PLTP: variants seen among roughly 807,000 people sequenced by gnomAD.
The protein encoded by PLTP is BPI fold containing family E.
A neutral mutation model predicts 54.1 loss-of-function variants in PLTP; 43 were observed. The observed-to-expected ratio is 0.79, with a 90% CI of 0.62 to 1.02. PLTP has a LOEUF of 1.02. Ranked by LOEUF, PLTP falls within the 50% of genes least tolerant of loss-of-function variation. The pLI, the probability that PLTP is intolerant of heterozygous loss-of-function variation, is 0.00. For missense variants in PLTP, 604 were observed against 645.9 expected (o/e 0.94, Z 0.70); for synonymous variants, 263 against 264.6 (o/e 0.99, Z 0.06).
At chr20:45,910,848 A>C in intron 3 of PLTP, 1 of 1,286,974 alleles carries the variant, frequency 7.8e-7, no homozygotes, top group Non-Finnish European at 9.9e-7. Context: ...ACTCTCATCT[A>C]TTGGGAAGTT....
In PLTP at chr20:45,898,952, C is replaced by G; in HGVS notation, c.1471G>C (p.Ala491Pro). Residue 491 changes from alanine (A) to proline (P), a missense_variant, in exon 16 of 16, where the codon GCA becomes CCA. Coordinates refer to ENST00000372431, the MANE Select transcript of PLTP (RefSeq NM_006227.4). This position sits in a 1 kb window ranked among gnomAD's most constrained non-coding sequence, Gnocchi z 4.6. ...TGGGGATTGAGGGCTCAGACAGCTG[C>G]TGTGGACGGTGTGGGGGCAGTGGAC... ...RASTAPTPST[A>P]AV 6.2e-7 allele frequency: 1 copy of G among 1,614,080 alleles called. No individual in the cohort carries two copies. Among genetic ancestry groups the G allele is most frequent in the Non-Finnish European group, 8.5e-7 (1 of 1,180,000 alleles).
In PLTP at chr20:45,911,345, C is replaced by T. The variant is rs1379350033; in HGVS notation, c.100+8G>A. ...TCCCGTCCGTCCCTGTCTGCCCCTGCGCCTTACCCAGCTCCAGCGCCTTGG... is the reference window on the plus strand; with the variant it reads ...TCCCGTCCGTCCCTGTCTGCCCCTGTGCCTTACCCAGCTCCAGCGCCTTGG... On this transcript the variant is annotated splice_region_variant and intron_variant, in intron 2 of 15. Coordinates refer to ENST00000372431, the MANE Select transcript of PLTP (RefSeq NM_006227.4). The T allele has an allele frequency of 6.2e-7, 1 of 1,613,470 alleles. No homozygotes were observed.
intron 12 of PLTP, among the ~76,000 whole-genome samples, chr20:45,901,239 G>T (rs1197368025): frequency 6.6e-6 from 1 of 152,150 alleles, no homozygotes; most frequent in East Asian, 1.9e-4. Context: ...ATATTGGATA[G>T]CACAGCCCTA....
chr20:45,898,990 GCAGGCCGGTTCTTCT>G lies in PLTP; in HGVS notation c.1418_1432del (p.Glu473_Pro477del). Reference sequence around the variant, plus strand: ...GGGGGCAGTGGACGCCCTGACATCAGCAGGCCGGTTCTTCTCAATCACCTCTCGCAGCCCTTTGGC... The same window carrying G: ...GGGGGCAGTGGACGCCCTGACATCAGCAATCACCTCTCGCAGCCCTTTGGC... On this transcript the variant is annotated inframe_deletion, in exon 16 of 16. Coordinates refer to ENST00000372431, the MANE Select transcript of PLTP (RefSeq NM_006227.4). This position sits in a 1 kb window ranked among gnomAD's most constrained non-coding sequence, Gnocchi z 4.6. The G allele has an allele frequency of 6.2e-7, 1 of 1,614,178 alleles. No homozygotes were observed. The highest frequency in any genetic ancestry group is 8.5e-7 in the Non-Finnish European group (1 of 1,180,026).
intron 5 of PLTP, 71 bp downstream of exon 5, chr20:45,909,445 C>G (rs991890764): frequency 6.5e-7 from 1 of 1,547,816 alleles, no homozygotes; most frequent in African/African-American, 1.4e-5. Flanking sequence ...GGCCTATGCA[C>G]TTTGCATTGC....
In PLTP at chr20:45,907,712, G is replaced by A. The variant is rs1157663746; in HGVS notation, c.593C>T (p.Ser198Phe). ...CTCACCAGGCACGGTGTCCAGGAGG[G>A]AGTTGAGCAGGACCGTCCCTGCGTG... is the stretch of plus-strand genomic sequence containing the variant. ...LYHAGTVLLN[S>F]LLDTVPVRSS... Residue 198 changes from serine (S) to phenylalanine (F), a missense_variant, in exon 7 of 16, where the codon TCC becomes TTC. Coordinates refer to ENST00000372431, the MANE Select transcript of PLTP (RefSeq NM_006227.4). The A allele has an allele frequency of 6.2e-7, 1 of 1,613,954 alleles. No homozygotes were observed. The highest frequency in any genetic ancestry group is 1.7e-5 in the Admixed American group (1 of 59,988).
chr20:45,911,086 T>G lies in PLTP; in HGVS notation c.200+66A>C, dbSNP rs532513877. 3.1e-5 allele frequency: 50 copies of G among 1,610,676 alleles called. No homozygotes were observed. In the East Asian group the frequency reaches 1.1e-3, roughly 34 times the overall value. ...CCTCCAGTCTCCCGAGACCCTGAGA[T>G]TTCTCGGGCCCCGCCTCCACCGCCG... On this transcript the variant is annotated intron_variant, in intron 3 of 15. Transcript: ENST00000372431.
chr20:45,902,305 G>A lies in PLTP; in HGVS notation c.1137C>T (p.Leu379=), dbSNP rs753786509. ...MDARLSAKMA[L]RGKALRTQLD... is the part of the protein sequence containing the mutation. ...GCTGCGTGCGCAGGGCCTTCCCCCG[G>A]AGAGCCATCTTGGCGCTGAGACGGG... The change falls in exon 12 of 16, where the codon CTC becomes CTT. Residue 379 remains leucine (L), a synonymous_variant. Coordinates refer to ENST00000372431, the MANE Select transcript of PLTP (RefSeq NM_006227.4). 3.7e-6 allele frequency: 6 copies of A among 1,614,018 alleles called. No homozygotes were observed. The highest frequency in any genetic ancestry group is 5.1e-6 in the Non-Finnish European group (6 of 1,180,058).
In PLTP at chr20:45,909,752, T is replaced by C. The variant is rs1158113408; in HGVS notation, c.330-81A>G. ...CCCCATGCATCACCATACCTCTTAATAAGGTTTCACCTCTTTCCACACATC... is the reference window on the plus strand; with the variant it reads ...CCCCATGCATCACCATACCTCTTAACAAGGTTTCACCTCTTTCCACACATC... On this transcript the variant is annotated intron_variant, in intron 4 of 15. Transcript: ENST00000372431. 10 of 1,533,556 alleles carry C rather than the reference T, an allele frequency of 6.5e-6. No individual in the cohort carries two copies. The African/African-American group carries it at 1.4e-4, about 21-fold the overall frequency. The allele number at this position is 1,533,556 out of a possible 1,614,324, so 95.0% of individuals were successfully genotyped here.
At chr20:45,907,954 G>C in intron 5 of PLTP, 50 bp from the exon 6 acceptor site, 1 of 1,473,008 alleles carries the variant, frequency 6.8e-7, no homozygotes, top group Non-Finnish European at 9.3e-7. Context: ...CTCCACCCCA[G>C]TCCAGGTCCA....
chr20:45,905,124 G>T lies in PLTP; in HGVS notation c.706-6C>A. On this transcript the variant is annotated splice_polypyrimidine_tract_variant and splice_region_variant and intron_variant, in intron 8 of 15. Coordinates refer to ENST00000372431, the MANE Select transcript of PLTP (RefSeq NM_006227.4). The stretch of plus-strand genomic sequence containing the variant: ...GTCAGGGGGAAGAAGGCCCCCTGGG[G>T]TGGGGCATTCACAGTCAGGGTCAAG... 6.2e-7 allele frequency: 1 copy of T among 1,613,424 alleles called. No individual in the cohort carries two copies. The highest frequency in any genetic ancestry group is 8.5e-7 in the Non-Finnish European group (1 of 1,179,688).
chr20:45,909,056 C>G (rs1192570037), intron 5 of PLTP, among the ~76,000 whole-genome samples: 5 of 150,734 alleles, frequency 3.3e-5, no homozygotes, highest in African/African-American at 1.2e-4. Flanking sequence ...CCTCCGCCTC[C>G]CGGGTTCAAG....
At chr20:45,909,773 A>G (rs941830067) in intron 4 of PLTP, 102 bp from the exon 5 acceptor site, 24 of 1,465,438 alleles carry the variant, frequency 1.6e-5, no homozygotes, top group African/African-American at 4.2e-5. Context: ...CTCTTTCCAC[A>G]CATCCTACCA....
chr20:45,900,170 G>A (rs1190545492), intron 12 of PLTP, among the ~76,000 whole-genome samples: 4 of 136,376 alleles, frequency 2.9e-5, no homozygotes, highest in South Asian at 2.5e-4. Flanking sequence ...GTGCAGTGGC[G>A]CGATCTCGGC....
At chr20:45,908,756 G>T (rs1255388252) in intron 5 of PLTP, among the ~76,000 whole-genome samples, 2 of 151,742 alleles carry the variant, frequency 1.3e-5, no homozygotes, top group African/African-American at 4.8e-5. Context: ...AAACCGAGAT[G>T]GCGCCACTGC....
chr20:45,909,957 A>G lies in PLTP; in HGVS notation c.314T>C (p.Leu105Pro). 1 of 1,614,116 alleles carries G rather than the reference A, an allele frequency of 6.2e-7. No individual in the cohort carries two copies. The highest frequency in any genetic ancestry group is 8.5e-7 in the Non-Finnish European group (1 of 1,180,010). ...GGGTCCTTACAAGAACCAGTAGAGC[A>G]GCTGTCTCCGGAAGCGCAGCCCCAA... is the stretch of plus-strand genomic sequence containing the variant. Reference protein sequence around the residue: ...ASLGLRFRRQLLYWFFYDGGY... With the variant: ...ASLGLRFRRQPLYWFFYDGGY... Residue 105 changes from leucine to proline, a missense_variant, in exon 4 of 16, where the codon CTG becomes CCG. Transcript: ENST00000372431.
rs771423390 is a variant in PLTP, at chr20:45,905,066, A to G, written c.758T>C (p.Val253Ala). The change falls in exon 9 of 16, where the codon GTG becomes GCG. Residue 253 changes from valine (V) to alanine (A), a missense_variant. Transcript: ENST00000372431. ...CTCTTCCTCCTGCAGCTGGGGCTCC[A>G]CTGCCCGGTTGGGGAGGCTCCAGTT... ...ERNWSLPNRA[V>A]EPQLQEEERM... is the part of the protein sequence containing the mutation. 1.2e-6 allele frequency: 2 copies of G among 1,614,186 alleles called. No homozygotes were observed. The highest frequency in any genetic ancestry group is 1.1e-5 in the South Asian group (1 of 91,090).
intron 12 of PLTP, among the ~76,000 whole-genome samples, chr20:45,900,913 G>A (rs774757075): frequency 1.3e-5 from 2 of 152,118 alleles, no homozygotes; most frequent in Non-Finnish European, 2.9e-5. Context: ...CCAAGGAGTG[G>A]GCACTATTAG....
chr20:45,909,872 C>T, intron 4 of PLTP, 70 bp downstream of exon 4: 1 of 1,557,614 alleles, frequency 6.4e-7, no homozygotes, highest in Non-Finnish European at 8.9e-7. Flanking sequence ...AAGGGGGCTG[C>T]CCACAGCCCC....
Sources: gnomAD v4.1 joint callset for allele counts (sites outside exome capture counted in the v4.1 genomes callset) on GRCh38, gnomAD v4.1.1 for gene constraint, Gnocchi (gnomAD v3.1) non-coding constraint, MANE v1.5 for transcripts, NCBI Gene and HGNC (gene_info 2026-07-23, HGNC 2026-07-21) for gene names.